SIPA1L3: variants seen among roughly 807,000 people sequenced by gnomAD.
SIPA1L3 encodes signal induced proliferation associated 1 like 3, also known as signal-induced proliferation-associated 1-like protein 3.
A neutral mutation model predicts 150.1 loss-of-function variants in SIPA1L3; 59 were observed. The ratio of observed to expected loss-of-function variants is 0.39; its 90% CI spans 0.32 to 0.49. The LOEUF (loss-of-function observed/expected upper bound fraction) is 0.49, where lower values mean the gene tolerates loss of function less well. SIPA1L3 is among the 20% of genes least tolerant of loss of function. The probability of loss-of-function intolerance (pLI) is 0.86; values close to 1 mark genes in which losing one functional copy is unlikely to be tolerated. For missense variants in SIPA1L3, 2,211 were observed against 2,489.5 expected, an observed-to-expected ratio of 0.89 and a Z score of 2.38; for synonymous variants, 1,070 against 1,077.6, an observed-to-expected ratio of 0.99 and a Z score of 0.14.
At position 38,088,865 on chromosome 19, in the gene SIPA1L3, C is replaced by G; in HGVS notation, c.1665+14C>G. On this transcript the variant is annotated intron_variant, in intron 4 of 21. Coordinates refer to ENST00000222345, the MANE Select transcript of SIPA1L3 (RefSeq NM_015073.3). ...CGGACCCGCGAGGTAGGTCCCATCACTCTCGTTCTTATTAAAGAAATCATA... is the reference window on the plus strand; with the variant it reads ...CGGACCCGCGAGGTAGGTCCCATCAGTCTCGTTCTTATTAAAGAAATCATA... 1 of 1,611,950 alleles carries G rather than the reference C, an allele frequency of 6.2e-7. No individual in the cohort carries two copies. The highest frequency in any genetic ancestry group is 8.5e-7 in the Non-Finnish European group (1 of 1,178,452).
intron 11 of SIPA1L3, among the ~76,000 whole-genome samples, chr19:38,142,170 T>C (rs918169566): frequency 5.9e-5 from 9 of 152,058 alleles, no homozygotes; most frequent in African/African-American, 1.9e-4. Flanking sequence ...TGATGACAAA[T>C]ATAACTTAAC....
intron 1 of SIPA1L3, among the ~76,000 whole-genome samples, chr19:38,015,637 C>T (rs1031097388): frequency 1.3e-5 from 2 of 149,104 alleles, no homozygotes; most frequent in African/African-American, 2.5e-5. Flanking sequence ...GGTGGGAGGA[C>T]CACTTGAGCC....
chr19:38,161,460 C>A (rs896601584), intron 13 of SIPA1L3, among the ~76,000 whole-genome samples: 2 of 151,640 alleles, frequency 1.3e-5, no homozygotes, highest in East Asian at 3.9e-4. Flanking sequence ...TGCGGTAGCT[C>A]ACACCTGTAA....
chr19:38,063,626 G>A (rs1315666298), intron 2 of SIPA1L3, among the ~76,000 whole-genome samples: 1 of 152,218 alleles, frequency 6.6e-6, no homozygotes, highest in Non-Finnish European at 1.5e-5. Flanking sequence ...TTCTAAAGGA[G>A]GCTTGGCCTG....
chr19:37,968,149 T>C (rs2046922301), intron 1 of SIPA1L3, among the ~76,000 whole-genome samples: 2 of 148,110 alleles, frequency 1.4e-5, no homozygotes, highest in South Asian at 4.3e-4. Context: ...TCTCAGCTCA[T>C]GCAACCTCTG....
chr19:37,936,854 A>G (rs571990821), intron 1 of SIPA1L3, among the ~76,000 whole-genome samples: 1 of 152,338 alleles, frequency 6.6e-6, no homozygotes, highest in African/African-American at 2.4e-5. Flanking sequence ...ACATGAAACA[A>G]AAACCACTTA....
At chr19:38,058,218 A>T (rs1969366484) in intron 2 of SIPA1L3, among the ~76,000 whole-genome samples, 1 of 152,170 alleles carries the variant, frequency 6.6e-6, no homozygotes, top group Admixed American at 6.5e-5. Context: ...ACAGAACAGC[A>T]GGCCCTCGCC....
At chr19:38,069,401 C>T (rs1031742571) in intron 2 of SIPA1L3, among the ~76,000 whole-genome samples, 16 of 152,208 alleles carry the variant, frequency 1.1e-4, no homozygotes, top group Admixed American at 3.9e-4. Context: ...CCAACCACAC[C>T]TGCGCTCCAG....
At chr19:38,072,630 C>T (rs902243261) in intron 2 of SIPA1L3, among the ~76,000 whole-genome samples, 5 of 152,236 alleles carry the variant, frequency 3.3e-5, no homozygotes, top group Non-Finnish European at 1.5e-5. Flanking sequence ...AAAGACATCA[C>T]GGTCTCACTG....
At position 38,139,517 on chromosome 19, in the gene SIPA1L3, G is replaced by A. The variant is rs1387924270; in HGVS notation, c.3144-1667G>A. 2.6e-5 allele frequency among the ~76,000 whole-genome samples: 4 copies of A among 152,114 alleles called. No individual in the cohort carries two copies. The East Asian group carries it at 7.7e-4, about 29-fold the overall frequency. On this transcript the variant is annotated intron_variant, in intron 10 of 21. Coordinates refer to ENST00000222345, the MANE Select transcript of SIPA1L3 (RefSeq NM_015073.3). Reference sequence around the variant, plus strand: ...CCTGGCATGTCTACAGGCTCTGATAGACGTTCATATTGTTATTGTTCCTCA... The same window carrying A: ...CCTGGCATGTCTACAGGCTCTGATAAACGTTCATATTGTTATTGTTCCTCA...
chr19:38,135,142 A>C (rs1220193680), intron 10 of SIPA1L3, among the ~76,000 whole-genome samples: 1 of 152,198 alleles, frequency 6.6e-6, no homozygotes, highest in African/African-American at 2.4e-5. Context: ...AGCCTCTGAA[A>C]GCCATCACGA....
intron 1 of SIPA1L3, among the ~76,000 whole-genome samples, chr19:37,918,396 A>C (rs997392535): frequency 1.3e-5 from 2 of 151,758 alleles, no homozygotes; most frequent in Non-Finnish European, 2.9e-5. Flanking sequence ...ATTAGCTGGG[A>C]CTACAGGTGC....
At chr19:38,112,034 C>G (rs983671346) in intron 8 of SIPA1L3, among the ~76,000 whole-genome samples, 15 of 150,690 alleles carry the variant, frequency 1.0e-4, no homozygotes, top group Admixed American at 5.9e-4. Flanking sequence ...CGTATGCACA[C>G]ACCATGCGTC....
intron 2 of SIPA1L3, among the ~76,000 whole-genome samples, chr19:38,075,703 C>G (rs1969822160): frequency 6.6e-6 from 1 of 151,488 alleles, no homozygotes; most frequent in South Asian, 2.1e-4. Context: ...TCACTTGATC[C>G]TGGGAAGCAG....
At chr19:37,984,273 A>G (rs964839491) in intron 1 of SIPA1L3, among the ~76,000 whole-genome samples, 16 of 152,212 alleles carry the variant, frequency 1.1e-4, no homozygotes, top group African/African-American at 3.6e-4. Flanking sequence ...CTCTGAGTAT[A>G]GAATAGAGAT....
chr19:38,013,032 G>A (rs1968140955), intron 1 of SIPA1L3, among the ~76,000 whole-genome samples: 1 of 152,128 alleles, frequency 6.6e-6, no homozygotes, highest in African/African-American at 2.4e-5. Context: ...AGGGGCTTTG[G>A]GCATCTGGGG....
chr19:38,001,040 A>G (rs1967794475), intron 1 of SIPA1L3, among the ~76,000 whole-genome samples: 1 of 150,578 alleles, frequency 6.6e-6, no homozygotes, highest in Non-Finnish European at 1.5e-5. Flanking sequence ...TATATCACAC[A>G]TATATCACAC....
intron 15 of SIPA1L3, among the ~76,000 whole-genome samples, chr19:38,170,833 T>G (rs1183599016): frequency 6.6e-6 from 1 of 151,354 alleles, no homozygotes; most frequent in African/African-American, 2.4e-5. Context: ...CTGCCAAGGA[T>G]GAGGGGGACA....
chr19:38,079,442 T>C (rs542093372), intron 2 of SIPA1L3, among the ~76,000 whole-genome samples: 3 of 152,108 alleles, frequency 2.0e-5, no homozygotes, highest in Non-Finnish European at 4.4e-5. Context: ...GAACAACTGC[T>C]AAGAAAAATT....
Sources: allele counts gnomAD v4.1 joint callset (sites outside exome capture counted in the v4.1 genomes callset), GRCh38; gene constraint gnomAD v4.1.1; transcripts MANE v1.5; gene names NCBI Gene and HGNC (gene_info 2026-07-23, HGNC 2026-07-21).